The following GALNT13 variants were observed in gnomAD, a reference collection of about 807,000 sequenced individuals.
The protein encoded by GALNT13 is polypeptide N-acetylgalactosaminyltransferase 13.
GALNT13 carries 28 observed loss-of-function variants against 64.2 expected under a neutral mutation model. The ratio of observed to expected loss-of-function variants is 0.44; its 90% CI spans 0.32 to 0.60. GALNT13 has a LOEUF of 0.60. Among genes scored for constraint, GALNT13 ranks in the 20% least tolerant of loss-of-function variants. The pLI, the probability that GALNT13 is intolerant of heterozygous loss-of-function variation, is 0.05. For synonymous variants in GALNT13, 214 were observed against 224.6 expected (o/e 0.95, Z 0.42); for missense variants, 577 against 669.8 (o/e 0.86, Z 1.53).
At chr2:154,084,999 TC>T (rs1177738643) in intron 3 of GALNT13, among the ~76,000 whole-genome samples, 5 of 151,920 alleles carry the variant, frequency 3.3e-5, no homozygotes, top group Non-Finnish European at 5.9e-5. Flanking sequence ...TTGTGCATGT[TC>T]CCAAGAACTT....
At chr2:154,137,821 C>T (rs1171343756) in intron 3 of GALNT13, among the ~76,000 whole-genome samples, 2 of 152,076 alleles carry the variant, frequency 1.3e-5, no homozygotes, top group African/African-American at 4.8e-5. Flanking sequence ...TGAAAGGGAT[C>T]AGAACATGCA....
the GALNT13 span, among the ~76,000 whole-genome samples, chr2:153,394,815 AATT>A: frequency 6.6e-6 from 1 of 152,140 alleles, no homozygotes; most frequent in Non-Finnish European, 1.5e-5. Context: ...AGAGAAAACA[AATT>A]AATTACATCA....
intron 3 of GALNT13, among the ~76,000 whole-genome samples, chr2:153,987,362 G>T (rs567859264): frequency 6.6e-6 from 1 of 151,722 alleles, no homozygotes; most frequent in Non-Finnish European, 1.5e-5. Context: ...TTCTAGTCTG[G>T]GCTTAAGGGA....
At chr2:153,439,903 G>A in the GALNT13 span, among the ~76,000 whole-genome samples, 6 of 152,308 alleles carry the variant, frequency 3.9e-5, no homozygotes, top group South Asian at 1.0e-3. Context: ...CCCGTTTTCT[G>A]TGTCGCTCAC....
chr2:154,211,755 C>T (rs996429755), intron 4 of GALNT13, among the ~76,000 whole-genome samples: 1 of 151,050 alleles, frequency 6.6e-6, no homozygotes, highest in Non-Finnish European at 1.5e-5. Context: ...ATGGAAACAT[C>T]GTTATGCAGT....
At chr2:153,864,390 T>C in the GALNT13 span, among the ~76,000 whole-genome samples, 1 of 152,128 alleles carries the variant, frequency 6.6e-6, no homozygotes, top group Non-Finnish European at 1.5e-5. Flanking sequence ...CATCAATAAA[T>C]GGTTGGATTT....
At chr2:153,458,274 A>G in the GALNT13 span, among the ~76,000 whole-genome samples, 2 of 152,272 alleles carry the variant, frequency 1.3e-5, no homozygotes, top group South Asian at 4.2e-4. Context: ...AGAGATCAAA[A>G]TATTTAGCCA....
intron 3 of GALNT13, among the ~76,000 whole-genome samples, chr2:153,982,342 AG>A (rs1694519159): frequency 6.6e-6 from 1 of 152,124 alleles, no homozygotes; most frequent in Non-Finnish European, 1.5e-5. Flanking sequence ...TTTCAGTGGA[AG>A]GGTGAAATGA....
the GALNT13 span, among the ~76,000 whole-genome samples, chr2:153,569,576 A>G: frequency 2.1e-4 from 32 of 151,768 alleles, 1 homozygote; most frequent in Admixed American, 8.5e-4. Flanking sequence ...GTAGGTGTAT[A>G]TATTTATGGG....
At chr2:154,132,656 C>T (rs977809617) in intron 3 of GALNT13, among the ~76,000 whole-genome samples, 1 of 151,816 alleles carries the variant, frequency 6.6e-6, no homozygotes, top group Non-Finnish European at 1.5e-5. Flanking sequence ...GAGACTGAGG[C>T]AGGTGGGTCA....
intron 3 of GALNT13, among the ~76,000 whole-genome samples, chr2:154,060,425 A>C (rs1700117058): frequency 6.6e-6 from 1 of 151,920 alleles, no homozygotes; most frequent in African/African-American, 2.4e-5. Context: ...GCGTGATCTC[A>C]TCTCGTTGCA....
chr2:153,584,859 T>A, the GALNT13 span, among the ~76,000 whole-genome samples: 2 of 152,176 alleles, frequency 1.3e-5, no homozygotes, highest in African/African-American at 4.8e-5. Flanking sequence ...AATTGTAGAC[T>A]ATTCACTACT....
At chr2:153,531,916 G>A in the GALNT13 span, among the ~76,000 whole-genome samples, 3 of 152,114 alleles carry the variant, frequency 2.0e-5, no homozygotes, top group African/African-American at 7.2e-5. Context: ...TGATAAAAAG[G>A]GTGGGCTCAC....
chr2:153,921,539 T>G (rs1157146796), intron 2 of GALNT13, among the ~76,000 whole-genome samples: 8 of 152,048 alleles, frequency 5.3e-5, no homozygotes. Flanking sequence ...GGTGATGAAA[T>G]AATCTGTACA....
At chr2:153,501,738 C>T in the GALNT13 span, among the ~76,000 whole-genome samples, 8 of 152,016 alleles carry the variant, frequency 5.3e-5, no homozygotes, top group Middle Eastern at 3.2e-3. Flanking sequence ...ATAATTCAGT[C>T]GACTGAGAAG....
At chr2:153,071,211 G>A in the GALNT13 span, among the ~76,000 whole-genome samples, 3 of 152,140 alleles carry the variant, frequency 2.0e-5, no homozygotes, top group Non-Finnish European at 2.9e-5. Flanking sequence ...AAATTTATGT[G>A]AGTAAAAACA....
chr2:154,169,033 G>A (rs931090403), intron 4 of GALNT13, among the ~76,000 whole-genome samples: 1 of 152,000 alleles, frequency 6.6e-6, no homozygotes, highest in African/African-American at 2.4e-5. Context: ...AGACAAGAGA[G>A]AGAGACAGAA....
At chr2:153,458,546 A>G in the GALNT13 span, among the ~76,000 whole-genome samples, 2 of 151,980 alleles carry the variant, frequency 1.3e-5, no homozygotes, top group Non-Finnish European at 2.9e-5. Flanking sequence ...TCCTAGCCAG[A>G]TTTTCCCCAC....
chr2:154,094,389 T>C (rs1434249638), intron 3 of GALNT13, among the ~76,000 whole-genome samples: 1 of 151,994 alleles, frequency 6.6e-6, no homozygotes, highest in East Asian at 1.9e-4. Context: ...CTATCCTTTA[T>C]TACTCCAAAC....
Sources: gnomAD v4.1 joint callset for allele counts (sites outside exome capture counted in the v4.1 genomes callset) on GRCh38, gnomAD v4.1.1 for gene constraint, MANE v1.5 for transcripts, NCBI Gene and HGNC (gene_info 2026-07-23, HGNC 2026-07-21) for gene names.